Variants in COPG2 observed in about 807,000 individuals in gnomAD.
The protein encoded by COPG2 is coat protein complex I subunit gamma 2.
COPG2 carries 37 observed loss-of-function variants against 46.3 expected under a neutral mutation model. The ratio of observed to expected loss-of-function variants is 0.80; its 90% CI spans 0.61 to 1.05. The LOEUF (loss-of-function observed/expected upper bound fraction) is 1.05. Ranked by LOEUF, COPG2 falls within the 50% of genes least tolerant of loss-of-function variation. The pLI, the probability that COPG2 is intolerant of heterozygous loss-of-function variation, is 0.00. For synonymous variants in COPG2, 159 were observed against 129.7 expected, an observed-to-expected ratio of 1.23 and a Z score of -1.53; for missense variants, 427 against 387.8, an observed-to-expected ratio of 1.10 and a Z score of -0.85.
At chr7:130,638,765 C>T (rs1795398758) in intron 5 of COPG2, among the ~76,000 whole-genome samples, 1 of 151,850 alleles carries the variant, frequency 6.6e-6, no homozygotes, top group Admixed American at 6.6e-5. Flanking sequence ...TTCCAGGCGC[C>T]ACTGAGGTAT....
intron 5 of COPG2, among the ~76,000 whole-genome samples, chr7:130,640,814 GATTC>G (rs1554457106): frequency 6.6e-6 from 1 of 152,080 alleles, no homozygotes; most frequent in Non-Finnish European, 1.5e-5. Flanking sequence ...TAATCCTTCT[GATTC>G]CAACTCCCTT....
intron 5 of COPG2, among the ~76,000 whole-genome samples, chr7:130,634,943 C>A (rs1218681526): frequency 6.6e-6 from 1 of 151,488 alleles, no homozygotes; most frequent in Non-Finnish European, 1.5e-5. Context: ...TTATCAAAGG[C>A]CTTTTCTGCA....
intron 6 of COPG2, among the ~76,000 whole-genome samples, chr7:130,615,001 A>G (rs773354146): frequency 6.6e-6 from 1 of 152,204 alleles, no homozygotes; most frequent in Non-Finnish European, 1.5e-5. Flanking sequence ...TGAGACACCA[A>G]AGCAAATGTC....
chr7:130,611,085 T>C lies in COPG2; in HGVS notation c.605A>G (p.His202Arg), dbSNP rs782081404. 1 of 1,613,686 alleles carries C rather than the reference T, an allele frequency of 6.2e-7. No homozygotes were observed. The highest frequency in any genetic ancestry group is 8.5e-7 in the Non-Finnish European group (1 of 1,179,808). ...AGCAAGTCGATCATTCTTTCTAAGG[T>C]GATACAGGACTCCCAATGCATGGTA... The part of the protein sequence containing the change: ...VQYHALGVLY[H>R]LRKNDRLAVS... Residue 202 changes from histidine to arginine, a missense_variant, in exon 9 of 24, where the codon CAC (histidine) becomes CGC (arginine). Physicochemically the swap from His to Arg is conservative, Grantham distance 29. Transcript: ENST00000425248.
intron 5 of COPG2, among the ~76,000 whole-genome samples, chr7:130,623,339 A>G (rs1795067958): frequency 6.6e-6 from 1 of 152,176 alleles, no homozygotes. Context: ...CATTTGTATC[A>G]GATTGTATCT....
At chr7:130,631,679 T>C (rs1554455216) in intron 5 of COPG2, among the ~76,000 whole-genome samples, 1 of 152,200 alleles carries the variant, frequency 6.6e-6, no homozygotes, top group African/African-American at 2.4e-5. Flanking sequence ...CCATTTCTCT[T>C]CTTTGCCTCA....
intron 20 of COPG2, among the ~76,000 whole-genome samples, chr7:130,531,485 A>G (rs1345400114): frequency 1.3e-5 from 2 of 152,076 alleles, no homozygotes; most frequent in East Asian, 1.9e-4. Context: ...CACCCAGAAG[A>G]ACAGGTGGAG....
chr7:130,528,403 G>C (rs1420382078), intron 20 of COPG2, among the ~76,000 whole-genome samples: 2 of 151,926 alleles, frequency 1.3e-5, no homozygotes, highest in African/African-American at 4.8e-5. Context: ...TGGACCACTG[G>C]GATGTGGACA....
At chr7:130,578,131 C>A (rs1327173332) in intron 9 of COPG2, among the ~76,000 whole-genome samples, 2 of 151,454 alleles carry the variant, frequency 1.3e-5, no homozygotes, top group African/African-American at 4.9e-5. Context: ...GTGGTTCTCC[C>A]AGCACGCAGC....
At chr7:130,603,029 C>T (rs1483582582) in intron 9 of COPG2, 5 of 152,056 alleles carry the variant, frequency 3.3e-5, no homozygotes, top group African/African-American at 1.2e-4. Context: ...CTTTTCTACC[C>T]CAAATAAGAA....
chr7:130,626,580 C>T lies in COPG2; in HGVS notation c.324-9515G>A, dbSNP rs79714628. ...TACTCTTAGTCTATAAGAGAGAGCG[C>T]TCCTGAACGAAATCGGCCAGAAGTC... On this transcript the variant is annotated intron_variant, in intron 5 of 23. Transcript: ENST00000425248. Among the ~76,000 whole-genome samples, 675 of 152,126 alleles carry T rather than the reference C, an allele frequency of 4.4e-3. 3 individuals are homozygous for T. Among genetic ancestry groups the T allele is most frequent in the African/African-American group, 0.016 (651 of 41,496 alleles).
At chr7:130,588,410 T>C (rs1275088124) in intron 9 of COPG2, among the ~76,000 whole-genome samples, 12 of 151,738 alleles carry the variant, frequency 7.9e-5, no homozygotes, top group Non-Finnish European at 1.8e-4. Context: ...TGTCCAACAA[T>C]GATAGACCGG....
chr7:130,576,664 A>T (rs1794003972), intron 9 of COPG2, among the ~76,000 whole-genome samples: 1 of 152,218 alleles, frequency 6.6e-6, no homozygotes, highest in South Asian at 2.1e-4. Context: ...AAGAGCACAA[A>T]CTGACATTAT....
intron 12 of COPG2, among the ~76,000 whole-genome samples, chr7:130,557,643 C>T (rs992669166): frequency 7.9e-5 from 12 of 151,128 alleles, no homozygotes; most frequent in Non-Finnish European, 4.4e-5. Context: ...CTCGTCTCCA[C>T]TAAAGATATA....
intron 9 of COPG2, chr7:130,610,360 C>G (rs1336476711): frequency 3.0e-6 from 1 of 335,538 alleles, no homozygotes; most frequent in Non-Finnish European, 5.9e-6. Context: ...TTCTAGAGAT[C>G]TTTCTCTGTG....
chr7:130,570,584 A>T (rs926065052), intron 9 of COPG2, among the ~76,000 whole-genome samples: 1 of 152,228 alleles, frequency 6.6e-6, no homozygotes, highest in African/African-American at 2.4e-5. Flanking sequence ...ATGCTCATGG[A>T]TGAGTAGAAT....
At chr7:130,508,146 T>C (rs573756236) in intron 21 of COPG2, 1 of 259,556 alleles carries the variant, frequency 3.9e-6, no homozygotes, top group East Asian at 8.0e-5. Flanking sequence ...AAAAAAAGTT[T>C]TCCCTCCATT....
chr7:130,625,326 T>C (rs1554454115), intron 5 of COPG2, among the ~76,000 whole-genome samples: 1 of 152,208 alleles, frequency 6.6e-6, no homozygotes, highest in East Asian at 1.9e-4. Context: ...AGGTATTCAA[T>C]CACATCATCT....
At chr7:130,589,122 A>G (rs186862106) in intron 9 of COPG2, among the ~76,000 whole-genome samples, 1 of 152,284 alleles carries the variant, frequency 6.6e-6, no homozygotes, top group East Asian at 1.9e-4. Context: ...CCAATCGTTA[A>G]TTCAAAGGAT....
Sources: gnomAD v4.1 joint callset for allele counts (sites outside exome capture counted in the v4.1 genomes callset) on GRCh38, gnomAD v4.1.1 for gene constraint, MANE v1.5 for transcripts, NCBI Gene and HGNC (gene_info 2026-07-23, HGNC 2026-07-21) for gene names.